The following RARS2 variants were observed in gnomAD, a reference collection of about 807,000 sequenced individuals.
RARS2 encodes probable arginine--tRNA ligase, mitochondrial.
In RARS2, 67 loss-of-function variants were observed where a neutral mutation model predicts 88.5. The ratio of observed to expected loss-of-function variants is 0.76; its 90% CI spans 0.62 to 0.93. The LOEUF (loss-of-function observed/expected upper bound fraction) is 0.93, where lower values mean the gene tolerates loss of function less well. RARS2 is among the 40% of genes least tolerant of loss of function. The pLI, the probability that RARS2 is intolerant of heterozygous loss-of-function variation, is 0.00. For missense variants in RARS2, 664 were observed against 684.2 expected (o/e 0.97, Z 0.33); for synonymous variants, 239 against 230.3 (o/e 1.04, Z -0.34).
At chr6:87,531,707 G>A (rs746092511) in intron 8 of RARS2, among the ~76,000 whole-genome samples, 27 of 152,086 alleles carry the variant, frequency 1.8e-4, no homozygotes, top group Non-Finnish European at 3.2e-4. Flanking sequence ...AAGGGCTCAG[G>A]CTTACTCTTC....
At chr6:87,538,843 G>C (rs943130160) in intron 8 of RARS2, among the ~76,000 whole-genome samples, 4 of 152,082 alleles carry the variant, frequency 2.6e-5, no homozygotes, top group Non-Finnish European at 5.9e-5. Flanking sequence ...AGACCAGCCT[G>C]GGCAACATAG....
intron 4 of RARS2, among the ~76,000 whole-genome samples, chr6:87,556,634 A>T (rs112294778): frequency 0.039 from 5,926 of 150,964 alleles, 360 homozygotes; most frequent in African/African-American, 0.13. Context: ...AAAAAATTTT[A>T]AAAAAAAATT....
intron 7 of RARS2, among the ~76,000 whole-genome samples, chr6:87,545,256 T>C (rs1562151539): frequency 1.3e-5 from 2 of 152,128 alleles, no homozygotes; most frequent in South Asian, 2.1e-4. Context: ...GCTAATTTTT[T>C]TGTATTTTGT....
intron 10 of RARS2, among the ~76,000 whole-genome samples, chr6:87,525,675 A>T (rs866662492): frequency 6.6e-6 from 1 of 151,932 alleles, no homozygotes; most frequent in African/African-American, 2.4e-5. Context: ...CAGCCTCTCA[A>T]GTAGCTGGAA....
intron 8 of RARS2, among the ~76,000 whole-genome samples, chr6:87,538,878 C>A (rs1582476664): frequency 6.6e-6 from 1 of 151,660 alleles, no homozygotes; most frequent in Non-Finnish European, 1.5e-5. Context: ...TATAAAAAAT[C>A]AAAAAATTAG....
At chr6:87,564,515 A>AC (rs1491051840) in intron 2 of RARS2, 12 of 391,008 alleles carry the variant, frequency 3.1e-5, no homozygotes, top group Non-Finnish European at 5.8e-5. Flanking sequence ...ACACACACAC[A>AC]AAAATTAGCC....
intron 18 of RARS2, among the ~76,000 whole-genome samples, 153 bp downstream of exon 18, chr6:87,516,653 C>G (rs908329739): frequency 6.6e-6 from 1 of 152,196 alleles, no homozygotes; most frequent in Non-Finnish European, 1.5e-5. Flanking sequence ...AATGAAGGAA[C>G]ATTAACTGCT....
intron 8 of RARS2, among the ~76,000 whole-genome samples, chr6:87,531,551 T>C (rs1015650253): frequency 2.0e-5 from 3 of 152,214 alleles, no homozygotes; most frequent in African/African-American, 7.2e-5. Flanking sequence ...AGGACTGCTT[T>C]TGGATAGTTA....
chr6:87,551,978 G>A (rs1408206948), intron 5 of RARS2, among the ~76,000 whole-genome samples: 1 of 152,136 alleles, frequency 6.6e-6, no homozygotes, highest in African/African-American at 2.4e-5. Flanking sequence ...CATCTACCAC[G>A]AGGAGTCCAA....
intron 6 of RARS2, among the ~76,000 whole-genome samples, chr6:87,548,276 C>T (rs748502930): frequency 6.6e-6 from 1 of 152,110 alleles, no homozygotes; most frequent in Non-Finnish European, 1.5e-5. Context: ...TATACATCCC[C>T]ACATAACTAT....
chr6:87,572,409 GTTA>G (rs1770058554), intron 1 of RARS2, among the ~76,000 whole-genome samples: 1 of 152,086 alleles, frequency 6.6e-6, no homozygotes, highest in Non-Finnish European at 1.5e-5. Flanking sequence ...AAAAAACTCA[GTTA>G]TTAGGTCAAT....
chr6:87,570,192 G>C (rs1478390581), intron 1 of RARS2, among the ~76,000 whole-genome samples: 1 of 152,174 alleles, frequency 6.6e-6, no homozygotes, highest in East Asian at 1.9e-4. Flanking sequence ...TTGTAGCACA[G>C]ACAAAGTCTC....
chr6:87,557,837 C>T (rs1786482000), intron 4 of RARS2, among the ~76,000 whole-genome samples: 1 of 152,172 alleles, frequency 6.6e-6, no homozygotes, highest in African/African-American at 2.4e-5. Flanking sequence ...TTGCTTCTAG[C>T]TTTTTATTTT....
intron 10 of RARS2, among the ~76,000 whole-genome samples, chr6:87,527,487 C>G (rs1007196630): frequency 3.9e-5 from 6 of 152,116 alleles, no homozygotes; most frequent in Non-Finnish European, 5.9e-5. Context: ...AACACTGAAG[C>G]CTTGGCAAAG....
At chr6:87,522,106 A>T (rs6454632) in intron 11 of RARS2, among the ~76,000 whole-genome samples, 4 of 151,922 alleles carry the variant, frequency 2.6e-5, no homozygotes, top group East Asian at 3.9e-4. Context: ...CTAAGGCGGG[A>T]GGTTCACGAG....
chr6:87,519,831 A>C, intron 13 of RARS2, 124 bp from the exon 14 acceptor site: 1 of 1,124,136 alleles, frequency 8.9e-7, no homozygotes, highest in Non-Finnish European at 1.3e-6. Flanking sequence ...AATTAATAAA[A>C]TGAAATTGAT....
At chr6:87,541,743 G>A (rs1012971498) in intron 8 of RARS2, among the ~76,000 whole-genome samples, 175 bp downstream of exon 8, 17 of 152,164 alleles carry the variant, frequency 1.1e-4, no homozygotes, top group South Asian at 2.1e-4. Context: ...AGAATTGCTT[G>A]AACCCAGGAG....
chr6:87,551,598 TG>T (rs1582609213), intron 5 of RARS2, among the ~76,000 whole-genome samples: 2 of 120,168 alleles, frequency 1.7e-5, no homozygotes, highest in African/African-American at 6.7e-5. Flanking sequence ...CACTCCAGCC[TG>T]AGCGAGACAG....
chr6:87,514,589 G>T, intron 19 of RARS2, 90 bp from the exon 20 acceptor site: 1 of 1,145,286 alleles, frequency 8.7e-7, no homozygotes, highest in Non-Finnish European at 1.3e-6. Context: ...ATTCTTTCTA[G>T]TTTAAAGCAG....
Sources: allele counts gnomAD v4.1 joint callset (sites outside exome capture counted in the v4.1 genomes callset), GRCh38; gene constraint gnomAD v4.1.1; transcripts MANE v1.5; gene names NCBI Gene and HGNC (gene_info 2026-07-23, HGNC 2026-07-21).